The following GNB1L variants were observed in gnomAD, a reference collection of about 807,000 sequenced individuals.
GNB1L encodes the protein guanine nucleotide-binding protein subunit beta-like protein 1.
In GNB1L, 20 loss-of-function variants were observed where a neutral mutation model predicts 29.1. The ratio of observed to expected loss-of-function variants is 0.69; its 90% CI spans 0.48 to 1.00. The LOEUF (loss-of-function observed/expected upper bound fraction) is 1.00. Ranked by LOEUF, GNB1L falls within the 50% of genes least tolerant of loss-of-function variation. The pLI is 0.00. For missense variants in GNB1L, 421 were observed against 464.9 expected (o/e 0.91, Z 0.87); for synonymous variants, 193 against 206.5 (o/e 0.93, Z 0.56).
rs139566986 is a variant in GNB1L, at chr22:19,821,336, G to C, written c.20C>G (p.Pro7Arg). Residue 7 changes from proline to arginine, a missense_variant, in exon 3 of 8, where the codon CCG (proline) becomes CGG (arginine). Pro to Arg is a moderately radical substitution (Grantham distance 103, BLOSUM62 -2). Transcript: ENST00000329517. ...GACAAACTGGGGGTCTGGAGGTGGC[G>C]GCGGGCAGGGGGCCGTCATGCTGGG... MTAPCP[P>R]PPPDPQFVLR... 45 of 1,612,706 alleles carry C rather than the reference G, an allele frequency of 2.8e-5. No homozygotes were observed. In the African/African-American group the frequency reaches 4.1e-4, roughly 15 times the overall value.
Position 19,788,329 on chromosome 22 carries a change from C to T in GNB1L, c.*380G>A, listed in dbSNP as rs533121977. Reference sequence around the variant, plus strand: ...CAGCAGGTGTGAGGGTGGGGCTGAGCATCCTGCCTGGTGGGGGTCTGAGGG... The same window carrying T: ...CAGCAGGTGTGAGGGTGGGGCTGAGTATCCTGCCTGGTGGGGGTCTGAGGG... On this transcript the variant is annotated 3_prime_UTR_variant, in exon 8 of 8. Transcript: ENST00000329517. 1.5e-4 allele frequency: 80 copies of T among 551,208 alleles called. No individual in the cohort carries two copies. The East Asian group carries it at 2.2e-3, about 15-fold the overall frequency. The allele number at this position is 551,208 out of a possible 1,614,324, so 34.1% of individuals were successfully genotyped here.
chr22:19,828,549 A>C (rs1193213525), intron 2 of GNB1L, among the ~76,000 whole-genome samples: 3 of 152,090 alleles, frequency 2.0e-5, no homozygotes, highest in Non-Finnish European at 4.4e-5. Context: ...GGGATGCTGA[A>C]GAAGGAGAAC....
At chr22:19,794,720 C>T (rs1937287286) in intron 7 of GNB1L, among the ~76,000 whole-genome samples, 1 of 152,202 alleles carries the variant, frequency 6.6e-6, no homozygotes, top group Non-Finnish European at 1.5e-5. Flanking sequence ...ACACATCTGT[C>T]TGCTAAAGAT....
intron 2 of GNB1L, among the ~76,000 whole-genome samples, chr22:19,843,283 C>T (rs377675439): frequency 3.1e-4 from 47 of 152,384 alleles, no homozygotes; most frequent in African/African-American, 9.6e-4. Context: ...GTCAACGCCC[C>T]GACTGGCGAC....
Position 19,783,381 on chromosome 22 carries a change from T to G in GNB1L, c.*5328A>C. ...GTGGCAGGGGACAGATGTGCTGCTG[T>G]TCCCAGGCCACCTGCACAGCTGGAT... On this transcript the variant is annotated 3_prime_UTR_variant, in exon 8 of 8. Transcript: ENST00000329517. The G allele has an allele frequency of 2.9e-6, 1 of 345,568 alleles. No individual in the cohort carries two copies. The highest frequency in any genetic ancestry group is 5.7e-6 in the Non-Finnish European group (1 of 175,958). The allele number at this position is 345,568 out of a possible 1,614,324, so 21.4% of individuals were successfully genotyped here. A position where few individuals can be genotyped will look rare whatever the true frequency, so the allele number is the denominator to read the frequency against.
chr22:19,844,235 G>A (rs75740532), intron 2 of GNB1L, among the ~76,000 whole-genome samples: 9,579 of 152,234 alleles, frequency 0.063, 973 homozygotes, highest in African/African-American at 0.22. Context: ...CCCAAATGGC[G>A]TGATTCGTTC....
chr22:19,803,077 C>T (rs1440400146), intron 6 of GNB1L, among the ~76,000 whole-genome samples: 1 of 152,200 alleles, frequency 6.6e-6, no homozygotes, highest in East Asian at 1.9e-4. Flanking sequence ...CCACAAGGAC[C>T]AGGGCTCGCT....
intron 2 of GNB1L, among the ~76,000 whole-genome samples, chr22:19,823,056 C>T (rs1601337956): frequency 1.3e-5 from 2 of 152,200 alleles, no homozygotes; most frequent in African/African-American, 4.8e-5. Context: ...GGCAGTGACT[C>T]CAGGGCGCAG....
chr22:19,835,800 G>A (rs1445079108), intron 2 of GNB1L, among the ~76,000 whole-genome samples: 1 of 152,148 alleles, frequency 6.6e-6, no homozygotes, highest in East Asian at 1.9e-4. Context: ...AAACAACACT[G>A]TTTTATATAA....
chr22:19,851,897 C>A, intron 2 of GNB1L: 2 of 1,614,112 alleles, frequency 1.2e-6, no homozygotes, highest in South Asian at 2.2e-5. Flanking sequence ...CATGTAATCG[C>A]CCAGCTGGGC....
In GNB1L at chr22:19,787,877, G is replaced by A. The variant is rs868742342; in HGVS notation, c.*832C>T. 1.3e-5 allele frequency: 2 copies of A among 152,508 alleles called. No individual in the cohort carries two copies. Among genetic ancestry groups the A allele is most frequent in the Admixed American group, 6.5e-5 (1 of 15,288 alleles). 9.4% of individuals were successfully genotyped at this position (152,508 alleles called of 1,614,324 possible). ...GGCTGCTAAGTCCTGCTCTTGCTGT[G>A]TTGTGCCCTGGGGGCCACCCTGTGT... On this transcript the variant is annotated 3_prime_UTR_variant, in exon 8 of 8. Coordinates refer to ENST00000329517, the MANE Select transcript of GNB1L (RefSeq NM_053004.3).
At chr22:19,830,483 A>T (rs535371540) in intron 2 of GNB1L, among the ~76,000 whole-genome samples, 1 of 152,298 alleles carries the variant, frequency 6.6e-6, no homozygotes, top group Admixed American at 6.5e-5. Flanking sequence ...TTTAATAAAT[A>T]AATATGAAAA....
At chr22:19,852,277 G>A (rs760676983) in intron 2 of GNB1L, 1 of 1,584,548 alleles carries the variant, frequency 6.3e-7, no homozygotes, top group African/African-American at 1.3e-5. Flanking sequence ...GAGCACAGGG[G>A]AGAAGAGAGG....
chr22:19,814,218 G>A (rs1468122358), intron 4 of GNB1L, among the ~76,000 whole-genome samples: 1 of 152,126 alleles, frequency 6.6e-6, no homozygotes, highest in Non-Finnish European at 1.5e-5. Context: ...GCCATGGCTG[G>A]GAGGGATGAG....
At chr22:19,823,547 C>T (rs1276995156) in intron 2 of GNB1L, among the ~76,000 whole-genome samples, 1 of 152,192 alleles carries the variant, frequency 6.6e-6, no homozygotes, top group Non-Finnish European at 1.5e-5. Flanking sequence ...AGAATGCAGA[C>T]CCGGCAAAAG....
intron 2 of GNB1L, among the ~76,000 whole-genome samples, chr22:19,831,534 AC>A (rs1394292191): frequency 1.3e-5 from 2 of 151,824 alleles, no homozygotes; most frequent in African/African-American, 4.8e-5. Context: ...TACTAAAAAT[AC>A]AAAAAATTAG....
rs1003279899 is a variant in GNB1L, at chr22:19,848,806, A to G, written c.-21+5637T>C. Reference sequence around the variant, plus strand: ...CCAATAGGACAGGGTTCAAAAGAGAAGGCAGCAATCCCAGGCTGGAGTATC... The same window carrying G: ...CCAATAGGACAGGGTTCAAAAGAGAGGGCAGCAATCCCAGGCTGGAGTATC... On this transcript the variant is annotated intron_variant, in intron 2 of 7. Transcript: ENST00000329517. 18 of 985,396 alleles carry G rather than the reference A, an allele frequency of 1.8e-5. No homozygotes were observed. In the African/African-American group the frequency reaches 3.0e-4, roughly 16 times the overall value. The allele number at this position is 985,396 out of a possible 1,614,324, so 61.0% of individuals were successfully genotyped here.
At chr22:19,845,343 GC>G (rs991736983) in intron 2 of GNB1L, among the ~76,000 whole-genome samples, 2 of 152,124 alleles carry the variant, frequency 1.3e-5, no homozygotes, top group East Asian at 1.9e-4. Context: ...CTCACTGAGG[GC>G]CCCCCCTATG....
At chr22:19,813,140 G>T (rs745650162) in intron 4 of GNB1L, among the ~76,000 whole-genome samples, 2 of 152,226 alleles carry the variant, frequency 1.3e-5, no homozygotes, top group Admixed American at 6.5e-5. Flanking sequence ...TGTTTGGGCA[G>T]ATGCACAGAC....
Sources: gnomAD v4.1 joint callset for allele counts (sites outside exome capture counted in the v4.1 genomes callset) on GRCh38, gnomAD v4.1.1 for gene constraint, MANE v1.5 for transcripts, NCBI Gene and HGNC (gene_info 2026-07-23, HGNC 2026-07-21) for gene names.